MARCHF1: variants seen among roughly 807,000 people sequenced by gnomAD.
MARCHF1 encodes membrane associated ring-CH-type finger 1.
Under a neutral mutation model 54.2 loss-of-function variants are expected in MARCHF1, and 40 were observed. The ratio of observed to expected loss-of-function variants is 0.74; its 90% CI spans 0.57 to 0.96. MARCHF1 has a LOEUF of 0.96. MARCHF1 is among the 40% of genes least tolerant of loss of function. The pLI is 0.00. For missense variants in MARCHF1, 586 were observed against 656.5 expected (o/e 0.89, Z 1.17); for synonymous variants, 236 against 236.3 (o/e 1.00, Z 0.01).
intron 1 of MARCHF1, among the ~76,000 whole-genome samples, chr4:164,296,535 A>G (rs1331536984): frequency 6.6e-6 from 1 of 151,910 alleles, no homozygotes; most frequent in East Asian, 1.9e-4. Flanking sequence ...ATGCCCAGCT[A>G]ATTTTTATAT....
At chr4:163,535,153 T>G (rs1256162844) in intron 9 of MARCHF1, among the ~76,000 whole-genome samples, 1 of 152,112 alleles carries the variant, frequency 6.6e-6, no homozygotes, top group Non-Finnish European at 1.5e-5. Flanking sequence ...TTCCACACTT[T>G]TAACATATTC....
At chr4:164,091,715 T>C (rs1213766440) in intron 2 of MARCHF1, among the ~76,000 whole-genome samples, 3 of 151,990 alleles carry the variant, frequency 2.0e-5, no homozygotes, top group African/African-American at 7.2e-5. Flanking sequence ...TAATACTGTG[T>C]TAGAAATGTT....
intron 2 of MARCHF1, among the ~76,000 whole-genome samples, chr4:163,994,379 A>G (rs1753026774): frequency 6.7e-6 from 1 of 149,828 alleles, no homozygotes; most frequent in South Asian, 2.1e-4. Flanking sequence ...CTTCACTGTC[A>G]GTATCTCTGG....
chr4:163,748,049 C>A (rs979501567), intron 4 of MARCHF1, among the ~76,000 whole-genome samples: 2 of 152,196 alleles, frequency 1.3e-5, no homozygotes, highest in Admixed American at 1.3e-4. Flanking sequence ...CAGGGAAAGT[C>A]ATGTGCCTGG....
intron 2 of MARCHF1, among the ~76,000 whole-genome samples, chr4:164,093,043 G>GATA (rs1755337435): frequency 6.6e-6 from 1 of 152,108 alleles, no homozygotes; most frequent in African/African-American, 2.4e-5. Context: ...TGGGTAAGAT[G>GATA]GAATGCATGC....
intron 1 of MARCHF1, among the ~76,000 whole-genome samples, chr4:164,126,120 C>T (rs966967109): frequency 4.6e-5 from 7 of 152,306 alleles, no homozygotes; most frequent in Non-Finnish European, 8.8e-5. Context: ...GTTAATAATG[C>T]TAAGGTCTGG....
At chr4:163,860,026 C>G (rs1418571854) in intron 3 of MARCHF1, among the ~76,000 whole-genome samples, 1 of 152,160 alleles carries the variant, frequency 6.6e-6, no homozygotes, top group African/African-American at 2.4e-5. Flanking sequence ...GTTTGGAAGT[C>G]ATCACTCCCA....
At chr4:163,908,455 T>C (rs1751119110) in intron 3 of MARCHF1, among the ~76,000 whole-genome samples, 1 of 152,178 alleles carries the variant, frequency 6.6e-6, no homozygotes, top group East Asian at 1.9e-4. Context: ...AGATCTAAAA[T>C]ATACTTTAAT....
intron 2 of MARCHF1, among the ~76,000 whole-genome samples, chr4:164,095,778 G>C (rs4056121): frequency 0.84 from 127,699 of 152,126 alleles, 54,111 homozygotes; most frequent in Non-Finnish European, 0.89. Context: ...ACAGACACTT[G>C]TCAAAAGAAG....
intron 5 of MARCHF1, among the ~76,000 whole-genome samples, chr4:163,651,151 T>C (rs1427727594): frequency 6.6e-6 from 1 of 151,942 alleles, no homozygotes; most frequent in Non-Finnish European, 1.5e-5. Flanking sequence ...GACAAATGAA[T>C]GAATGGCTTG....
In MARCHF1 at chr4:163,868,767, T is replaced by TAA. The variant is rs146541576; in HGVS notation, c.-38-14600_-38-14599dup. Among the ~76,000 whole-genome samples the TAA allele has an allele frequency of 2.8e-4, 43 of 151,350 alleles. No individual in the cohort carries two copies. The Middle Eastern group carries it at 0.01, about 36-fold the overall frequency. On this transcript the variant is annotated intron_variant, in intron 3 of 9. Transcript: ENST00000514618. ...GGAGACAAAAGTTGAACTGGTGATTTAAAAAAAAATGTTTTTTGACACGAT... is the reference window on the plus strand; with the variant it reads ...GGAGACAAAAGTTGAACTGGTGATTTAAAAAAAAAAATGTTTTTTGACACGAT...
intron 1 of MARCHF1, among the ~76,000 whole-genome samples, chr4:164,364,566 AC>A (rs775077734): frequency 1.4e-4 from 21 of 151,848 alleles, no homozygotes; most frequent in Non-Finnish European, 3.1e-4. Context: ...TCAATTTGCC[AC>A]CCCTTGTTCT....
chr4:164,257,436 T>C (rs990465437), intron 1 of MARCHF1, among the ~76,000 whole-genome samples: 8 of 151,950 alleles, frequency 5.3e-5, no homozygotes, highest in African/African-American at 1.4e-4. Flanking sequence ...AATAATAGAT[T>C]AGGTAGTATG....
At chr4:164,176,783 A>C (rs1326661391) in intron 1 of MARCHF1, among the ~76,000 whole-genome samples, 1 of 151,564 alleles carries the variant, frequency 6.6e-6, no homozygotes, top group East Asian at 1.9e-4. Context: ...TATGACACTA[A>C]ATAACCAAGC....
chr4:163,938,102 G>A (rs1751839859), intron 3 of MARCHF1, among the ~76,000 whole-genome samples: 1 of 152,220 alleles, frequency 6.6e-6, no homozygotes, highest in South Asian at 2.1e-4. Flanking sequence ...CAGGCCACCT[G>A]CTTTACAGTG....
At chr4:163,956,109 G>A (rs1472498088) in intron 3 of MARCHF1, among the ~76,000 whole-genome samples, 1 of 152,110 alleles carries the variant, frequency 6.6e-6, no homozygotes, top group East Asian at 1.9e-4. Flanking sequence ...TTACAATTAT[G>A]TAAGATGTTA....
chr4:164,015,716 G>T (rs1247493256), intron 2 of MARCHF1, among the ~76,000 whole-genome samples: 1 of 151,660 alleles, frequency 6.6e-6, no homozygotes, highest in African/African-American at 2.4e-5. Flanking sequence ...AAAAAAAAAT[G>T]CCCAGCATCA....
chr4:163,899,466 C>T (rs994489613), intron 3 of MARCHF1, among the ~76,000 whole-genome samples: 6 of 152,090 alleles, frequency 3.9e-5, no homozygotes, highest in Non-Finnish European at 5.9e-5. Context: ...TTCTTTGTGT[C>T]CTATTTCCAC....
chr4:164,189,921 G>C, intron 1 of MARCHF1: 2 of 1,572,492 alleles, frequency 1.3e-6, no homozygotes, highest in South Asian at 2.2e-5. Context: ...TGAAGACAAG[G>C]GTACAGGGAA....
Sources: gnomAD v4.1 joint callset for allele counts (sites outside exome capture counted in the v4.1 genomes callset) on GRCh38, gnomAD v4.1.1 for gene constraint, MANE v1.5 for transcripts, NCBI Gene and HGNC (gene_info 2026-07-23, HGNC 2026-07-21) for gene names.